CDH23: variants seen among roughly 807,000 people sequenced by gnomAD.
CDH23 encodes cadherin related 23, also known as cadherin-23.
CDH23 carries 189 observed loss-of-function variants against 317.1 expected under a neutral mutation model. The observed-to-expected ratio is 0.60, with a 90% CI of 0.53 to 0.67. The LOEUF (loss-of-function observed/expected upper bound fraction) is 0.67, where lower values mean the gene tolerates loss of function less well. CDH23 is among the 30% of genes least tolerant of loss of function. The pLI, the probability that CDH23 is intolerant of heterozygous loss-of-function variation, is 0.00. For synonymous variants in CDH23, 1,839 were observed against 1,876.8 expected (o/e 0.98, Z 0.52); for missense variants, 4,401 against 4,592.4 (o/e 0.96, Z 1.20).
Position 71,443,794 on chromosome 10 carries a change from C to T in CDH23, c.68-2524C>T, listed in dbSNP as rs543573764. Among the ~76,000 whole-genome samples, 96 of 152,356 alleles carry T rather than the reference C, an allele frequency of 6.3e-4. 1 individual carries two copies. Among genetic ancestry groups the T allele is most frequent in the Non-Finnish European group, 1.1e-3 (76 of 68,026 alleles). On this transcript the variant is annotated intron_variant, in intron 2 of 69. Coordinates refer to ENST00000224721, the MANE Select transcript of CDH23 (RefSeq NM_022124.6). ...CTGGAGGCCCCAAAGCTGCTGAGCA[C>T]ACAGCTGCTGCGCTTTAACAGCGGC...
intron 3 of CDH23, among the ~76,000 whole-genome samples, chr10:71,453,170 C>G (rs553350438): frequency 6.6e-6 from 1 of 152,232 alleles, no homozygotes; most frequent in Non-Finnish European, 1.5e-5. Flanking sequence ...ATCACCTACA[C>G]GAGTAAATTA....
At position 71,751,808 on chromosome 10, in the gene CDH23, C is replaced by T. The variant is rs1357026078; in HGVS notation, c.4845+9887C>T. 2.5e-6 allele frequency: 4 copies of T among 1,586,852 alleles called. No homozygotes were observed. The highest frequency in any genetic ancestry group is 2.3e-5 in the South Asian group (2 of 87,800). ...GTGCCTGACTTTGGCCTCGGGTATCCCCTGGGCAGGTGGTGAGGCTTCAAA... is the reference window on the plus strand; with the variant it reads ...GTGCCTGACTTTGGCCTCGGGTATCTCCTGGGCAGGTGGTGAGGCTTCAAA... On this transcript the variant is annotated intron_variant, in intron 38 of 69. Coordinates refer to ENST00000224721, the MANE Select transcript of CDH23 (RefSeq NM_022124.6). The surrounding 1 kb of genome is among the most constrained non-coding windows in gnomAD (Gnocchi z 4.9).
rs1840004833 is a variant in CDH23, at chr10:71,751,637, C to T, written c.4845+9716C>T. The stretch of plus-strand genomic sequence containing the variant: ...GCCATGAGGTCATGACCTTACAGGT[C>T]ATCGTGCTGTGAAGGTCAGGAAACA... On this transcript the variant is annotated intron_variant, in intron 38 of 69. Transcript: ENST00000224721. The surrounding 1 kb of genome is among the most constrained non-coding windows in gnomAD (Gnocchi z 4.9). The T allele has an allele frequency of 6.6e-7, 1 of 1,512,082 alleles. No individual in the cohort carries two copies. The highest frequency in any genetic ancestry group is 8.8e-7 in the Non-Finnish European group (1 of 1,130,436). The allele number at this position is 1,512,082 out of a possible 1,614,324, so 93.7% of individuals were successfully genotyped here. A position where few individuals can be genotyped will look rare whatever the true frequency, so the allele number is the denominator to read the frequency against.
chr10:71,483,058 C>T lies in CDH23; in HGVS notation c.146-27024C>T, dbSNP rs193042425. On this transcript the variant is annotated intron_variant, in intron 3 of 69. Transcript: ENST00000224721. ...TTGCAGAAGATACAAAAATGCTGTT[C>T]AGTGGCCCGTCCTGGCGGATGGAGG... Among the ~76,000 whole-genome samples the T allele has an allele frequency of 4.0e-3, 605 of 152,336 alleles. 6 individuals carry two copies. Among genetic ancestry groups the T allele is most frequent in the African/African-American group, 0.014 (582 of 41,582 alleles).
intron 3 of CDH23, among the ~76,000 whole-genome samples, chr10:71,502,934 C>T (rs114939633): frequency 0.017 from 2,602 of 152,328 alleles, 59 homozygotes; most frequent in African/African-American, 0.054. Context: ...GTTTCTGGCC[C>T]GCCCCTCATC....
intron 9 of CDH23, 69 bp from the exon 10 acceptor site, chr10:71,615,413 GCCCTGGCCCCAGCTCCATGCCC>G (rs1374736665): frequency 3.7e-6 from 3 of 808,142 alleles, no homozygotes; most frequent in African/African-American, 3.4e-5. Flanking sequence ...CCAGAGAGGA[GCCCTGGCCCCAGCTCCATGCCC>G]CCCTGCCCCC....
At chr10:71,766,561 C>T (rs1195110679) in intron 38 of CDH23, among the ~76,000 whole-genome samples, 1 of 152,216 alleles carries the variant, frequency 6.6e-6, no homozygotes, top group Non-Finnish European at 1.5e-5. Flanking sequence ...GTTTCTTCAT[C>T]TTAACCTGAG....
At chr10:71,475,037 A>G (rs1284492692) in intron 3 of CDH23, among the ~76,000 whole-genome samples, 1 of 152,170 alleles carries the variant, frequency 6.6e-6, no homozygotes, top group Non-Finnish European at 1.5e-5. Flanking sequence ...TCTGCCTCTC[A>G]CTAGGAAGAC....
chr10:71,593,018 C>T (rs1859599978), intron 9 of CDH23, among the ~76,000 whole-genome samples: 1 of 152,236 alleles, frequency 6.6e-6, no homozygotes, highest in Non-Finnish European at 1.5e-5. Flanking sequence ...CCACCACAAG[C>T]CGTGGGAGCT....
chr10:71,811,262 G>C (rs1053080232), intron 62 of CDH23, 53 bp from the exon 63 acceptor site: 4 of 1,612,796 alleles, frequency 2.5e-6, no homozygotes, highest in Middle Eastern at 1.6e-4. Flanking sequence ...GCAGACTGTC[G>C]GTGGTGGGGG....
At chr10:71,804,108 G>A (rs1841641754) in intron 55 of CDH23, among the ~76,000 whole-genome samples, 1 of 152,058 alleles carries the variant, frequency 6.6e-6, no homozygotes, top group Admixed American at 6.5e-5. Flanking sequence ...TGCAAAACAG[G>A]ACTAATAAGT....
intron 6 of CDH23, among the ~76,000 whole-genome samples, chr10:71,513,068 A>G (rs1242022665): frequency 3.3e-5 from 5 of 152,212 alleles, no homozygotes; most frequent in African/African-American, 9.6e-5. Flanking sequence ...AGTGGCCTGC[A>G]TGATACCCAT....
At chr10:71,410,290 T>C (rs1848289257) in intron 1 of CDH23, among the ~76,000 whole-genome samples, 1 of 152,190 alleles carries the variant, frequency 6.6e-6, no homozygotes, top group South Asian at 2.1e-4. Flanking sequence ...CTCACAGTCT[T>C]GCAGGCTGCC....
rs988778282 is a variant in CDH23, at chr10:71,777,754, G to A, written c.4920G>A (p.Glu1640=). 3 of 1,613,794 alleles carry A rather than the reference G, an allele frequency of 1.9e-6. No homozygotes were observed. Among genetic ancestry groups the A allele is most frequent in the Non-Finnish European group, 1.7e-6 (2 of 1,179,844 alleles). ...NAPMFQQPHY[E]VLLDEGPDTL... is the part of the protein sequence containing the mutation. ...CCATGTTCCAGCAGCCCCACTATGA[G>A]GTGCTGCTGGATGAGGGCCCAGACA... Residue 1640 remains glutamate, a synonymous_variant, in exon 39 of 70, where the codon GAG becomes GAA. Transcript: ENST00000224721.
Position 71,791,180 on chromosome 10 carries a change from C to CGCCACCCA in CDH23, c.6099_6106dup (p.Ile2036SerfsTer47). On this transcript the variant is annotated frameshift_variant, in exon 47 of 70. Transcript: ENST00000224721. LOFTEE classifies it high-confidence loss of function. Reference sequence around the variant, plus strand: ...GTCATCATTGACCGGGAGGCATTCTCGCCACCCATCCTGGAGCTGCTGCTG... The same window carrying CGCCACCCA: ...GTCATCATTGACCGGGAGGCATTCTCGCCACCCAGCCACCCATCCTGGAGCTGCTGCTG... 1 of 1,612,864 alleles carries CGCCACCCA rather than the reference C, an allele frequency of 6.2e-7. No homozygotes were observed. Among genetic ancestry groups the CGCCACCCA allele is most frequent in the Non-Finnish European group, 8.5e-7 (1 of 1,179,512 alleles).
Position 71,789,643 on chromosome 10 carries a change from CTG to C in CDH23, c.5923+607_5923+608del, listed in dbSNP as rs373197128. Among the ~76,000 whole-genome samples the C allele has an allele frequency of 1.5e-4, 23 of 152,320 alleles. No individual in the cohort carries two copies. In the East Asian group the frequency reaches 4.4e-3, roughly 29 times the overall value. On this transcript the variant is annotated intron_variant, in intron 45 of 69. Transcript: ENST00000224721. ...AGGTGAATTTCATTCTTAAACCTGT[CTG>C]TGTGTATGCTCACACATGTGCCCGT...
chr10:71,659,224 A>C (rs1175421279), intron 14 of CDH23, among the ~76,000 whole-genome samples: 2 of 152,196 alleles, frequency 1.3e-5, no homozygotes, highest in African/African-American at 4.8e-5. Flanking sequence ...CCAGCGCCAG[A>C]ATGAGTTTGT....
At chr10:71,731,933 C>G (rs1007450836) in intron 31 of CDH23, 54 bp from the exon 32 acceptor site, 2 of 1,556,548 alleles carry the variant, frequency 1.3e-6, no homozygotes, top group African/African-American at 1.3e-5. Context: ...GAAGCCACAG[C>G]GCAGCCCCAC....
chr10:71,569,726 C>T (rs945466635), intron 7 of CDH23, among the ~76,000 whole-genome samples: 2 of 152,170 alleles, frequency 1.3e-5, no homozygotes, highest in African/African-American at 2.4e-5. Flanking sequence ...ATAATGGGCT[C>T]ATCATAACTA....
Sources: allele counts gnomAD v4.1 joint callset (sites outside exome capture counted in the v4.1 genomes callset), GRCh38; gene constraint gnomAD v4.1.1; non-coding constraint Gnocchi (gnomAD v3.1); transcripts MANE v1.5; gene names NCBI Gene and HGNC (gene_info 2026-07-23, HGNC 2026-07-21).